The following DDX18 variants were observed in gnomAD, a reference collection of about 807,000 sequenced individuals.
The protein encoded by DDX18 is ATP-dependent RNA helicase DDX18.
Under a neutral mutation model 73.5 loss-of-function variants are expected in DDX18, and 23 were observed. The ratio of observed to expected loss-of-function variants is 0.31; its 90% CI spans 0.23 to 0.44. DDX18 has a LOEUF of 0.44. DDX18 is among the 20% of genes least tolerant of loss of function. The pLI is 1.00. For missense variants in DDX18, 753 were observed against 792.9 expected (o/e 0.95, Z 0.60); for synonymous variants, 268 against 282.7 (o/e 0.95, Z 0.52).
chr2:117,826,259 T>A lies in DDX18; in HGVS notation c.1522-10T>A. The A allele has an allele frequency of 6.2e-7, 1 of 1,610,266 alleles. No homozygotes were observed. The highest frequency in any genetic ancestry group is 8.5e-7 in the Non-Finnish European group (1 of 1,177,544). On this transcript the variant is annotated splice_polypyrimidine_tract_variant and intron_variant, in intron 10 of 13. Coordinates refer to ENST00000263239, the MANE Select transcript of DDX18 (RefSeq NM_006773.4). The stretch of plus-strand genomic sequence containing the variant: ...ACTGCGTTAACTCAGATTTTCTTTC[T>A]CCACCAAAGGAATATATTCATCGTG...
chr2:117,830,599 G>A lies in DDX18; in HGVS notation c.1888G>A (p.Gly630Ser). 1 of 1,613,568 alleles carries A rather than the reference G, an allele frequency of 6.2e-7. No homozygotes were observed. The highest frequency in any genetic ancestry group is 8.5e-7 in the Non-Finnish European group (1 of 1,179,762). ...GCCTCCAGACGTCAACAGTAATGAA[G>A]GCAAGCAGAAAAAGCGAGGAGGTGG... ...FVDLNVNSNEGKQKKRGGGGG... is the reference protein window; with the variant it reads ...FVDLNVNSNESKQKKRGGGGG... Residue 630 changes from glycine (G) to serine (S), a missense_variant, in exon 14 of 14, where the codon GGC (glycine) becomes AGC (serine). Physicochemically the swap from Gly to Ser is moderately conservative, Grantham distance 56 (BLOSUM62 0). Transcript: ENST00000263239.
chr2:117,826,192 A>AT, intron 10 of DDX18, 77 bp from the exon 11 acceptor site: 3 of 1,210,250 alleles, frequency 2.5e-6, no homozygotes, highest in Non-Finnish European at 2.4e-6. Context: ...AGACATGCAC[A>AT]TACTCAGGAT....
At chr2:117,829,703 T>C (rs1679990664) in intron 13 of DDX18, among the ~76,000 whole-genome samples, 1 of 152,166 alleles carries the variant, frequency 6.6e-6, no homozygotes. Flanking sequence ...GCCTTGAGCC[T>C]TCAAAAGACA....
intron 3 of DDX18, among the ~76,000 whole-genome samples, chr2:117,820,664 T>G (rs955138821): frequency 2.0e-5 from 3 of 152,234 alleles, no homozygotes; most frequent in African/African-American, 7.2e-5. Context: ...TTTTGATGCC[T>G]TCTGCTGAAC....
intron 2 of DDX18, 36 bp downstream of exon 2, chr2:117,817,764 G>C (rs774131872): frequency 2.2e-4 from 347 of 1,558,738 alleles, no homozygotes; most frequent in Non-Finnish European, 2.9e-4. Context: ...CAGCCATTTA[G>C]TTTTTCACAG....
intron 1 of DDX18, among the ~76,000 whole-genome samples, chr2:117,816,855 C>T (rs1318074939): frequency 2.0e-5 from 3 of 152,240 alleles, no homozygotes; most frequent in East Asian, 3.9e-4. Context: ...TTTTTAGCTC[C>T]GTTATAATCT....
intron 7 of DDX18, 25 bp from the exon 8 acceptor site, chr2:117,824,543 GT>G: frequency 7.4e-7 from 1 of 1,350,494 alleles, no homozygotes; most frequent in Non-Finnish European, 9.6e-7. Context: ...AAAGATTGGG[GT>G]TATTTTTATA....
At chr2:117,829,600 T>G in intron 13 of DDX18, 134 bp downstream of exon 13, 1 of 843,448 alleles carries the variant, frequency 1.2e-6, no homozygotes, top group Non-Finnish European at 1.9e-6. Context: ...CTGGTCGATG[T>G]CTGCTTTTCT....
chr2:117,824,555 T>C lies in DDX18; in HGVS notation c.1067-14T>C. 7.4e-7 allele frequency: 1 copy of C among 1,359,884 alleles called. No homozygotes were observed. Among genetic ancestry groups the C allele is most frequent in the East Asian group, 2.7e-5 (1 of 36,600 alleles). The allele number at this position is 1,359,884 out of a possible 1,614,324, so 84.2% of individuals were successfully genotyped here. ...CTAAAAGATTGGGGTTATTTTTATATGTATCTGTTTCAGCACGTAGACAGA... is the reference window on the plus strand; with the variant it reads ...CTAAAAGATTGGGGTTATTTTTATACGTATCTGTTTCAGCACGTAGACAGA... On this transcript the variant is annotated splice_polypyrimidine_tract_variant and intron_variant, in intron 7 of 13. Transcript: ENST00000263239.
chr2:117,820,345 C>T lies in DDX18; in HGVS notation c.514+553C>T, dbSNP rs146826004. 5.3e-3 allele frequency among the ~76,000 whole-genome samples: 802 copies of T among 152,330 alleles called. 9 individuals carry two copies. The highest frequency in any genetic ancestry group is 0.017 in the African/African-American group (725 of 41,574). ...TTCGCCCCCCGAGTAAGAAGAGTAA[C>T]TCTTCCTGGTTTGCCCAGAACTTTA... On this transcript the variant is annotated intron_variant, in intron 3 of 13. Transcript: ENST00000263239.
chr2:117,829,056 T>C (rs774633653), intron 12 of DDX18, 51 bp downstream of exon 12: 1 of 1,484,950 alleles, frequency 6.7e-7, no homozygotes, highest in South Asian at 1.1e-5. Context: ...GTCCCAGCAC[T>C]CTGTTTGTAG....
Position 117,819,864 on chromosome 2 carries a change from G to A in DDX18, c.514+72G>A, listed in dbSNP as rs147612688. 3.2e-5 allele frequency: 43 copies of A among 1,342,906 alleles called. No individual in the cohort carries two copies. The African/African-American group carries it at 6.0e-4, about 19-fold the overall frequency. The allele number at this position is 1,342,906 out of a possible 1,614,324, so 83.2% of individuals were successfully genotyped here. On this transcript the variant is annotated intron_variant, in intron 3 of 13. Transcript: ENST00000263239. The stretch of plus-strand genomic sequence containing the variant: ...TCTCTTAGAGGATTATAGGTTTGAA[G>A]GTTCAGTTGTGACTTTCAGTTTACC...
chr2:117,815,143 C>T (rs1679734979), intron 1 of DDX18: 2 of 421,122 alleles, frequency 4.7e-6, no homozygotes, highest in Middle Eastern at 6.4e-4. Context: ...ACTAACCCTG[C>T]CTTTTGCATT....
At position 117,824,986 on chromosome 2, in the gene DDX18, C is replaced by T; in HGVS notation, c.1253C>T (p.Thr418Ile). The T allele has an allele frequency of 6.2e-7, 1 of 1,613,720 alleles. No homozygotes were observed. The highest frequency in any genetic ancestry group is 8.5e-7 in the Non-Finnish European group (1 of 1,179,860). ...PSEKRFLLLF[T>I]FLKKNRKKKL... The stretch of plus-strand genomic sequence containing the variant: ...GAAAAGAGATTCCTTCTGCTCTTTA[C>T]ATTCCTTAAGAAGAACCGAAAGAAG... Residue 418 changes from threonine to isoleucine, a missense_variant, in exon 9 of 14, where the codon ACA (threonine) becomes ATA (isoleucine). Thr to Ile is a moderately conservative substitution (Grantham distance 89, BLOSUM62 -1). This residue lies in a region of DDX18 where 402 missense variants were observed against 419.4 expected (regional missense o/e 0.96). Transcript: ENST00000263239.
At chr2:117,824,915 A>G (rs1679900041) in intron 8 of DDX18, 25 bp from the exon 9 acceptor site, 5 of 1,585,494 alleles carry the variant, frequency 3.2e-6, no homozygotes, top group African/African-American at 1.4e-5. Context: ...GTTCATTTGT[A>G]TCTGTCTGCT....
Position 117,817,679 on chromosome 2 carries a change from A to T in DDX18, c.321A>T (p.Ser107=), listed in dbSNP as rs769156679. The part of the protein sequence containing the change: ...EAAMQSSNSE[S]KKKKKKKRKM... ...CAATGCAGTCTTCCAATTCAGAATC[A>T]AAAAAGAAAAAGAAGAAAAAGAGAA... Residue 107 remains serine (S), a synonymous_variant, in exon 2 of 14, where the codon TCA becomes TCT. Transcript: ENST00000263239. 1.9e-6 allele frequency: 3 copies of T among 1,604,754 alleles called. No individual in the cohort carries two copies. The highest frequency in any genetic ancestry group is 2.7e-5 in the African/African-American group (2 of 73,978).
At chr2:117,829,155 C>A in intron 12 of DDX18, 134 bp from the exon 13 acceptor site, 1 of 1,145,006 alleles carries the variant, frequency 8.7e-7, no homozygotes, top group Non-Finnish European at 1.2e-6. Flanking sequence ...TCTTGCTATT[C>A]TAGTTATCAC....
At position 117,817,434 on chromosome 2, in the gene DDX18, AT is replaced by A; in HGVS notation, c.86-7del. On this transcript the variant is annotated splice_polypyrimidine_tract_variant and intron_variant, in intron 1 of 13. Coordinates refer to ENST00000263239, the MANE Select transcript of DDX18 (RefSeq NM_006773.4). ...CTTTGTCACAGTATATGTTCTGTTT[AT>A]TTAAACAGGGGCCTCAAATCTGACC... The A allele has an allele frequency of 6.3e-7, 1 of 1,589,048 alleles. No individual in the cohort carries two copies. The highest frequency in any genetic ancestry group is 8.5e-7 in the Non-Finnish European group (1 of 1,173,184).
At position 117,829,567 on chromosome 2, in the gene DDX18, G is replaced by C. The variant is rs978448607; in HGVS notation, c.1870+101G>C. ...GTGGATTGGTATGTGTTCTGGCTCA[G>C]ACTGGAGGCTCCAGTGTTCACCCTG... On this transcript the variant is annotated intron_variant, in intron 13 of 13. Transcript: ENST00000263239. The C allele has an allele frequency of 7.1e-6, 8 of 1,128,220 alleles. No individual in the cohort carries two copies. In the African/African-American group the frequency reaches 1.1e-4, roughly 15 times the overall value. 69.9% of individuals were successfully genotyped at this position (1,128,220 alleles called of 1,614,324 possible). A position where few individuals can be genotyped will look rare whatever the true frequency, so the allele number is the denominator to read the frequency against.
Sources: gnomAD v4.1 joint callset for allele counts (sites outside exome capture counted in the v4.1 genomes callset) on GRCh38, gnomAD v4.1.1 for gene constraint, gnomAD v4.1.1 regional missense constraint, MANE v1.5 for transcripts, NCBI Gene and HGNC (gene_info 2026-07-23, HGNC 2026-07-21) for gene names.